Variants in CARF observed in about 807,000 individuals in gnomAD.
The protein encoded by CARF is calcium responsive transcription factor, also known as calcium-responsive transcription factor.
Under a neutral mutation model 82.0 loss-of-function variants are expected in CARF, and 57 were observed. The observed-to-expected ratio is 0.70, with a 90% CI of 0.56 to 0.87. The LOEUF is 0.87. Ranked by LOEUF, CARF falls within the 40% of genes least tolerant of loss-of-function variation. The pLI is 0.00. For synonymous variants in CARF, 268 were observed against 290.1 expected, an observed-to-expected ratio of 0.92 and a Z score of 0.77; for missense variants, 771 against 855.8, an observed-to-expected ratio of 0.90 and a Z score of 1.24.
intron 2 of CARF, among the ~76,000 whole-genome samples, chr2:202,922,847 G>A (rs1239782086): frequency 6.6e-6 from 1 of 152,074 alleles, no homozygotes; most frequent in African/African-American, 2.4e-5. Flanking sequence ...ATCCCAGTTG[G>A]TAAAGAGGAA....
chr2:202,917,031 A>T lies in CARF; in HGVS notation c.-329-846A>T, dbSNP rs367706843. Reference sequence around the variant, plus strand: ...CGAGACCATCCCGGCTAACACGGTGAAACCCTGTCTCTACTGAAAATACAA... The same window carrying T: ...CGAGACCATCCCGGCTAACACGGTGTAACCCTGTCTCTACTGAAAATACAA... On this transcript the variant is annotated intron_variant, in intron 1 of 16. Coordinates refer to ENST00000438828, the MANE Select transcript of CARF (RefSeq NM_024744.17). Among the ~76,000 whole-genome samples, 7 of 152,090 alleles carry T rather than the reference A, an allele frequency of 4.6e-5. 1 individual carries two copies. The South Asian group carries it at 1.5e-3, about 32-fold the overall frequency.
intron 3 of CARF, among the ~76,000 whole-genome samples, chr2:202,926,966 A>G (rs1282733865): frequency 6.6e-6 from 1 of 152,162 alleles, no homozygotes; most frequent in African/African-American, 2.4e-5. Context: ...GGCATGCACC[A>G]CCATGCCCAG....
intron 14 of CARF, among the ~76,000 whole-genome samples, chr2:202,978,234 A>G (rs2060112707): frequency 6.6e-6 from 1 of 152,210 alleles, no homozygotes; most frequent in South Asian, 2.1e-4. Flanking sequence ...TTGGTAGGAC[A>G]GGAGAGAGAA....
chr2:202,943,209 T>A (rs1056406699), intron 5 of CARF, among the ~76,000 whole-genome samples: 32 of 152,082 alleles, frequency 2.1e-4, no homozygotes, highest in Non-Finnish European at 4.1e-4. Context: ...GTAGCTGGGA[T>A]TACAGGTGCC....
intron 3 of CARF, among the ~76,000 whole-genome samples, chr2:202,936,713 A>C (rs1004621732): frequency 2.0e-5 from 3 of 152,184 alleles, no homozygotes; most frequent in Admixed American, 2.0e-4. Flanking sequence ...CCAGACCCTT[A>C]TCAGATACAT....
rs2105964586 is a variant in CARF, at chr2:202,988,131, A to AT, written c.*4508dup. Among the ~76,000 whole-genome samples the AT allele has an allele frequency of 6.6e-6, 1 of 152,340 alleles. No individual in the cohort carries two copies. The highest frequency in any genetic ancestry group is 2.1e-4 in the South Asian group (1 of 4,832). ...GTGATTTGTCTATATTGTTGCATTT[A>AT]TGAATAAATCATTTATCTGCTGCTG... On this transcript the variant is annotated 3_prime_UTR_variant, in exon 17 of 17. Transcript: ENST00000438828.
At chr2:202,958,171 T>G (rs1370854485) in intron 8 of CARF, among the ~76,000 whole-genome samples, 2 of 152,004 alleles carry the variant, frequency 1.3e-5, no homozygotes, top group Non-Finnish European at 2.9e-5. Flanking sequence ...TAAAAAACCT[T>G]GTGCTATATA....
chr2:202,921,662 A>T (rs1690817497), intron 2 of CARF, among the ~76,000 whole-genome samples: 1 of 152,194 alleles, frequency 6.6e-6, no homozygotes, highest in Non-Finnish European at 1.5e-5. Flanking sequence ...TTTGTGAATG[A>T]ATATCTGCTT....
intron 8 of CARF, 50 bp from the exon 9 acceptor site, chr2:202,961,187 T>C: frequency 7.1e-7 from 1 of 1,416,452 alleles, no homozygotes; most frequent in Admixed American, 2.0e-5. Context: ...ACATTTATTA[T>C]GCAATGAAGT....
intron 3 of CARF, among the ~76,000 whole-genome samples, chr2:202,926,457 A>C (rs547027342): frequency 6.6e-6 from 1 of 152,196 alleles, no homozygotes; most frequent in South Asian, 2.1e-4. Context: ...CCATTGATCT[A>C]TTTGTCTATT....
chr2:202,949,516 T>TTTATTATTA (rs201031888), intron 5 of CARF, among the ~76,000 whole-genome samples: 2 of 91,656 alleles, frequency 2.2e-5, no homozygotes, highest in Non-Finnish European at 4.6e-5. Flanking sequence ...TTGTTATTTA[T>TTTATTATTA]TTATTATTAT....
Position 202,952,639 on chromosome 2 carries a change from T to A in CARF, c.387T>A (p.Ile129=). The A allele has an allele frequency of 6.2e-7, 1 of 1,613,928 alleles. No homozygotes were observed. The change falls in exon 6 of 17, where the codon ATT becomes ATA. Residue 129 remains isoleucine (I), a synonymous_variant. Coordinates refer to ENST00000438828, the MANE Select transcript of CARF (RefSeq NM_024744.17). ...PPTQTGMAQV[I]IPQGQLVDVN... is the part of the protein sequence containing the mutation. The stretch of plus-strand genomic sequence containing the variant: ...CCCAGACAGGAATGGCACAAGTGAT[T>A]ATACCTCAGGGGCAACTTGTGGATG...
intron 5 of CARF, among the ~76,000 whole-genome samples, chr2:202,950,850 G>A (rs1223653355): frequency 6.6e-6 from 1 of 152,180 alleles, no homozygotes; most frequent in Non-Finnish European, 1.5e-5. Context: ...ATGCTAAAGT[G>A]ATAAGAGTTA....
rs563515556 is a variant in CARF at position 202,948,866 on chromosome 2, G to A, written c.307-3693G>A. ...TTTCTCTTGCCTGATTGCTTTGGCC[G>A]GGACTTCCAATACTATGTTGAATAG... On this transcript the variant is annotated intron_variant, in intron 5 of 16. Coordinates refer to ENST00000438828, the MANE Select transcript of CARF (RefSeq NM_024744.17). 2.8e-4 allele frequency among the ~76,000 whole-genome samples: 42 copies of A among 152,120 alleles called. No individual in the cohort carries two copies. The South Asian group carries it at 7.5e-3, about 27-fold the overall frequency.
chr2:202,969,611 A>C (rs2059700064), intron 10 of CARF, among the ~76,000 whole-genome samples: 1 of 149,838 alleles, frequency 6.7e-6, no homozygotes, highest in Non-Finnish European at 1.5e-5. Context: ...ATAAATAAAT[A>C]AATAAATAAG....
At chr2:202,922,304 TG>T (rs1356750712) in intron 2 of CARF, among the ~76,000 whole-genome samples, 51 of 151,994 alleles carry the variant, frequency 3.4e-4, no homozygotes, top group South Asian at 1.0e-3. Flanking sequence ...TTTGTAGAGA[TG>T]GGGGTCTCAC....
intron 15 of CARF, 110 bp downstream of exon 15, chr2:202,981,795 G>T (rs1180800181): frequency 9.5e-7 from 1 of 1,053,230 alleles, no homozygotes; most frequent in African/African-American, 1.6e-5. Flanking sequence ...TAATAATGAT[G>T]AAATATGTTT....
intron 5 of CARF, among the ~76,000 whole-genome samples, chr2:202,946,677 G>T (rs556033793): frequency 6.6e-6 from 1 of 152,296 alleles, no homozygotes; most frequent in East Asian, 1.9e-4. Flanking sequence ...CTTCTGCTCA[G>T]CAAAAGAAAC....
chr2:202,983,847 A>G lies in CARF; in HGVS notation c.*223A>G, dbSNP rs2060359142. 4.5e-6 allele frequency: 2 copies of G among 444,720 alleles called. No individual in the cohort carries two copies. The highest frequency in any genetic ancestry group is 8.7e-5 in the Admixed American group (2 of 23,070). The allele number at this position is 444,720 out of a possible 1,614,324, so 27.5% of individuals were successfully genotyped here. ...TGTATAATTTTTATGCTCTTTGATT[A>G]TCTAATAAGGCCAGTATTTCAAAAG... On this transcript the variant is annotated 3_prime_UTR_variant, in exon 17 of 17. Coordinates refer to ENST00000438828, the MANE Select transcript of CARF (RefSeq NM_024744.17).
Sources: allele counts gnomAD v4.1 joint callset (sites outside exome capture counted in the v4.1 genomes callset), GRCh38; gene constraint gnomAD v4.1.1; transcripts MANE v1.5; gene names NCBI Gene and HGNC (gene_info 2026-07-23, HGNC 2026-07-21).